CTXND1: variants seen among roughly 807,000 people sequenced by gnomAD.
CTXND1 encodes the protein cortexin domain-containing 1 protein.
At chr15:80,211,258 C>T (rs1389002128) in intron 1 of CTXND1, among the ~76,000 whole-genome samples, 1 of 152,204 alleles carries the variant, frequency 6.6e-6, no homozygotes, top group Non-Finnish European at 1.5e-5. Context: ...CCACTTCTCA[C>T]TGTGGGGATA....
intron 1 of CTXND1, among the ~76,000 whole-genome samples, chr15:80,235,211 C>T (rs1893480598): frequency 6.6e-6 from 1 of 152,186 alleles, no homozygotes. Context: ...CTGTGTTCCT[C>T]TGTTCAAGAT....
At chr15:80,220,493 T>C (rs1238425698) in intron 1 of CTXND1, among the ~76,000 whole-genome samples, 1 of 152,244 alleles carries the variant, frequency 6.6e-6, no homozygotes, top group African/African-American at 2.4e-5. Flanking sequence ...CTACTCCAAC[T>C]TCTCCACCTT....
At chr15:80,208,005 G>A (rs1193252703) in intron 1 of CTXND1, among the ~76,000 whole-genome samples, 2 of 152,240 alleles carry the variant, frequency 1.3e-5, no homozygotes, top group Admixed American at 6.5e-5. Flanking sequence ...AATGCAAGTT[G>A]TGAAACTTAA....
intron 1 of CTXND1, among the ~76,000 whole-genome samples, chr15:80,227,003 C>G (rs1399585640): frequency 6.6e-6 from 1 of 152,158 alleles, no homozygotes; most frequent in Non-Finnish European, 1.5e-5. Context: ...ATTAACTAGT[C>G]TTCTCTTCAT....
intron 1 of CTXND1, among the ~76,000 whole-genome samples, chr15:80,212,824 A>C (rs1009244861): frequency 1.4e-4 from 21 of 152,232 alleles, no homozygotes; most frequent in African/African-American, 4.8e-4. Context: ...TTCTACAGGC[A>C]GAAAACATAC....
chr15:80,249,319 T>C (rs1358114854), intron 1 of CTXND1, among the ~76,000 whole-genome samples: 1 of 152,130 alleles, frequency 6.6e-6, no homozygotes, highest in African/African-American at 2.4e-5. Flanking sequence ...AGGACAGGGA[T>C]AGAATGCCAT....
At chr15:80,242,161 A>T (rs1170045509) in intron 1 of CTXND1, among the ~76,000 whole-genome samples, 1 of 152,164 alleles carries the variant, frequency 6.6e-6, no homozygotes, top group East Asian at 1.9e-4. Flanking sequence ...CTGCACTTTG[A>T]CCTGCATCGT....
At chr15:80,239,165 GC>G (rs770180015) in intron 1 of CTXND1, among the ~76,000 whole-genome samples, 47 of 152,262 alleles carry the variant, frequency 3.1e-4, no homozygotes, top group Admixed American at 9.2e-4. Context: ...GCCGTCTGAA[GC>G]CCTTCCCACC....
chr15:80,247,569 A>G (rs1893647425), intron 1 of CTXND1, among the ~76,000 whole-genome samples: 2 of 152,072 alleles, frequency 1.3e-5, no homozygotes, highest in Admixed American at 1.3e-4. Context: ...GAACACTCAA[A>G]TCCACCCTCC....
Position 80,197,957 on chromosome 15 carries a change from T to G in CTXND1, c.*3813A>C, listed in dbSNP as rs1051251612. The G allele has an allele frequency of 6.6e-6, 1 of 152,102 alleles. No individual in the cohort carries two copies. The highest frequency in any genetic ancestry group is 2.4e-5 in the African/African-American group (1 of 41,422). 9.4% of individuals were successfully genotyped at this position (152,102 alleles called of 1,614,324 possible). On this transcript the variant is annotated 3_prime_UTR_variant, in exon 3 of 3. Transcript: ENST00000560778. ...AGCAACTAATTGGAAAAAAATGAAATAGCTATGATGGGAATGATATGCCAG... is the reference window on the plus strand; with the variant it reads ...AGCAACTAATTGGAAAAAAATGAAAGAGCTATGATGGGAATGATATGCCAG...
At chr15:80,206,041 A>G (rs1893144334) in intron 1 of CTXND1, among the ~76,000 whole-genome samples, 3 of 152,338 alleles carry the variant, frequency 2.0e-5, no homozygotes, top group Non-Finnish European at 4.4e-5. Flanking sequence ...AGAATTATAC[A>G]GTAAACAAAT....
At chr15:80,229,870 G>C (rs186946153) in intron 1 of CTXND1, among the ~76,000 whole-genome samples, 167 of 152,272 alleles carry the variant, frequency 1.1e-3, no homozygotes, top group African/African-American at 3.9e-3. Context: ...GCCTCAAACA[G>C]AGAGAGATCT....
intron 1 of CTXND1, among the ~76,000 whole-genome samples, chr15:80,206,357 G>A (rs542416397): frequency 3.9e-5 from 6 of 152,136 alleles, no homozygotes; most frequent in Non-Finnish European, 5.9e-5. Context: ...ATTTATCTTC[G>A]TGAATGAAGT....
Position 80,198,696 on chromosome 15 carries a change from TGTAA to T in CTXND1, c.*3070_*3073del, listed in dbSNP as rs1228518484. ...TGTCTCTTAAATGGAGAGAGTGTAC[TGTAA>T]GTATTTATTCTCCCCTGTCTTAAGC... is the stretch of plus-strand genomic sequence containing the variant. On this transcript the variant is annotated 3_prime_UTR_variant, in exon 3 of 3. Coordinates refer to ENST00000560778, the MANE Select transcript of CTXND1 (RefSeq NM_001352888.2). 6.6e-6 allele frequency: 1 copy of T among 152,218 alleles called. No homozygotes were observed. The highest frequency in any genetic ancestry group is 1.5e-5 in the Non-Finnish European group (1 of 68,046). The allele number at this position is 152,218 out of a possible 1,614,324, so 9.4% of individuals were successfully genotyped here. A position where few individuals can be genotyped will look rare whatever the true frequency, so the allele number is the denominator to read the frequency against.
Position 80,199,790 on chromosome 15 carries a change from A to G in CTXND1, c.*1980T>C, listed in dbSNP as rs952706570. ...TGTCCACATTCAGGGGTCACCTAGT[A>G]GTGATAGTGCTTTGGAACCCATTTT... On this transcript the variant is annotated 3_prime_UTR_variant, in exon 3 of 3. Transcript: ENST00000560778. 3.9e-5 allele frequency: 6 copies of G among 152,228 alleles called. No homozygotes were observed. Among genetic ancestry groups the G allele is most frequent in the African/African-American group, 1.4e-4 (6 of 41,426 alleles). The allele number at this position is 152,228 out of a possible 1,614,324, so 9.4% of individuals were successfully genotyped here. A position where few individuals can be genotyped will look rare whatever the true frequency, so the allele number is the denominator to read the frequency against.
At chr15:80,233,003 C>T (rs991484304) in intron 1 of CTXND1, among the ~76,000 whole-genome samples, 3 of 140,892 alleles carry the variant, frequency 2.1e-5, no homozygotes, top group Admixed American at 7.6e-5. Flanking sequence ...ATTGCAGTGG[C>T]GCGATCTTGG....
intron 1 of CTXND1, among the ~76,000 whole-genome samples, chr15:80,209,948 A>G (rs969207200): frequency 6.6e-6 from 1 of 152,260 alleles, no homozygotes; most frequent in Non-Finnish European, 1.5e-5. Flanking sequence ...CAAAAATATG[A>G]CACCTTATTT....
chr15:80,240,428 G>C (rs986842395), intron 1 of CTXND1, among the ~76,000 whole-genome samples: 1 of 152,092 alleles, frequency 6.6e-6, no homozygotes, highest in Non-Finnish European at 1.5e-5. Context: ...CATGGCGTAG[G>C]TCCCCTGGCC....
chr15:80,220,138 CTATCTATCATCT>C (rs775683332), intron 1 of CTXND1, among the ~76,000 whole-genome samples: 3,640 of 124,776 alleles, frequency 0.029, 65 homozygotes, highest in East Asian at 0.046. Context: ...ATCTATCTAT[CTATCTATCATCT>C]ATCTATCTAT....
Sources: gnomAD v4.1 joint callset for allele counts (sites outside exome capture counted in the v4.1 genomes callset) on GRCh38, gnomAD v4.1.1 for gene constraint, MANE v1.5 for transcripts, NCBI Gene and HGNC (gene_info 2026-07-23, HGNC 2026-07-21) for gene names.